The following NAA60 variants were observed in gnomAD, a reference collection of about 807,000 sequenced individuals.
NAA60 encodes the protein N-alpha-acetyltransferase 60.
In NAA60, 8 loss-of-function variants were observed where a neutral mutation model predicts 26.1. The observed-to-expected ratio is 0.31, with a 90% CI of 0.18 to 0.55. The LOEUF is 0.55. Ranked by LOEUF, NAA60 falls within the 20% of genes least tolerant of loss-of-function variation. The pLI is 0.93. For synonymous variants in NAA60, 131 were observed against 122.5 expected, an observed-to-expected ratio of 1.07 and a Z score of -0.46; for missense variants, 290 against 311.3, an observed-to-expected ratio of 0.93 and a Z score of 0.51.
Position 3,485,053 on chromosome 16 carries a change from C to T in NAA60, c.*198C>T, listed in dbSNP as rs554700345. On this transcript the variant is annotated 3_prime_UTR_variant, in exon 7 of 8. Coordinates refer to ENST00000407558, the MANE Select transcript of NAA60 (RefSeq NM_001083601.3). The stretch of plus-strand genomic sequence containing the variant: ...GTGGGCATGCGCAGAGCATGCCCAT[C>T]CGTGGCAGGTACGCCACAGCAGACA... 1.4e-6 allele frequency: 2 copies of T among 1,480,802 alleles called. No individual in the cohort carries two copies. Among genetic ancestry groups the T allele is most frequent in the Middle Eastern group, 1.7e-4 (1 of 5,838 alleles). The allele number at this position is 1,480,802 out of a possible 1,614,324, so 91.7% of individuals were successfully genotyped here.
At chr16:3,472,568 G>T (rs1188242415) in intron 2 of NAA60, among the ~76,000 whole-genome samples, 1 of 152,142 alleles carries the variant, frequency 6.6e-6, no homozygotes, top group African/African-American at 2.4e-5. Flanking sequence ...AAGTAACTGG[G>T]ATTACAGGTG....
Position 3,484,715 on chromosome 16 carries a change from C to G in NAA60, c.589C>G (p.Leu197Val), listed in dbSNP as rs781503423. 5 of 1,594,182 alleles carry G rather than the reference C, an allele frequency of 3.1e-6. No individual in the cohort carries two copies. Among genetic ancestry groups the G allele is most frequent in the Non-Finnish European group, 4.3e-6 (5 of 1,171,450 alleles). The change falls in exon 7 of 8, where the codon CTG becomes GTG. Residue 197 changes from leucine (L) to valine (V), a missense_variant. Physicochemically the swap from Leu to Val is conservative, Grantham distance 32. Coordinates refer to ENST00000407558, the MANE Select transcript of NAA60 (RefSeq NM_001083601.3). ...PWTILDYIQH[L>V]GSALASLSPC... Reference sequence around the variant, plus strand: ...GAGCCCCACGGACTACATCCAGCACCTGGGCTCTGCACTAGCCAGCCTGAG... The same window carrying G: ...GAGCCCCACGGACTACATCCAGCACGTGGGCTCTGCACTAGCCAGCCTGAG...
At chr16:3,448,358 C>T (rs1281177445) in intron 1 of NAA60, 113 bp from the exon 2 acceptor site, 1 of 717,232 alleles carries the variant, frequency 1.4e-6, no homozygotes, top group Non-Finnish European at 2.2e-6. Context: ...CAAAAGGGCC[C>T]ATCAGATTGA....
chr16:3,458,314 C>T, intron 2 of NAA60: 2 of 475,032 alleles, frequency 4.2e-6, no homozygotes, highest in Non-Finnish European at 5.5e-6. Flanking sequence ...GTGAGGCAGG[C>T]CCGGCCGCGC....
intron 2 of NAA60, chr16:3,448,859 G>T (rs1341145661): frequency 3.1e-5 from 8 of 254,990 alleles, no homozygotes; most frequent in African/African-American, 6.8e-5. Flanking sequence ...AGGGCACACT[G>T]ACAATGTTAG....
intron 4 of NAA60, among the ~76,000 whole-genome samples, chr16:3,481,703 C>A (rs2036848402): frequency 6.6e-6 from 1 of 152,172 alleles, no homozygotes; most frequent in South Asian, 2.1e-4. Context: ...TAAGAGATGT[C>A]AGCTGGGGAA....
chr16:3,484,451 C>T (rs757270), intron 6 of NAA60: 386,289 of 573,342 alleles, frequency 0.67, 133,452 homozygotes, highest in Non-Finnish European at 0.73. Flanking sequence ...GGTGTGGTGT[C>T]CACATGCCTG....
At chr16:3,456,190 G>A (rs752834074) in intron 2 of NAA60, among the ~76,000 whole-genome samples, 2 of 152,190 alleles carry the variant, frequency 1.3e-5, no homozygotes, top group African/African-American at 2.4e-5. Flanking sequence ...ACTGTACTGT[G>A]CTTGTTACTC....
At chr16:3,449,877 A>G (rs2150946090) in intron 2 of NAA60, 1 of 384,906 alleles carries the variant, frequency 2.6e-6, no homozygotes, top group Admixed American at 4.5e-5. Context: ...TTTGTCTGCC[A>G]CCATGTGAGA....
intron 2 of NAA60, among the ~76,000 whole-genome samples, chr16:3,470,498 C>T (rs2036060328): frequency 6.6e-6 from 1 of 152,222 alleles, no homozygotes; most frequent in Non-Finnish European, 1.5e-5. Flanking sequence ...CAGGACCTCT[C>T]CCTCCAACCA....
intron 3 of NAA60, among the ~76,000 whole-genome samples, chr16:3,478,641 A>C (rs1432566080): frequency 1.3e-5 from 2 of 152,048 alleles, no homozygotes; most frequent in African/African-American, 2.4e-5. Context: ...TCTTGGCCTC[A>C]TTGTTGATGA....
At chr16:3,476,859 T>A (rs1300884694) in intron 3 of NAA60, among the ~76,000 whole-genome samples, 1 of 152,096 alleles carries the variant, frequency 6.6e-6, no homozygotes, top group Admixed American at 6.5e-5. Flanking sequence ...CTGACCAACA[T>A]GGAGAAACCC....
chr16:3,484,588 C>T, intron 6 of NAA60, 111 bp from the exon 7 acceptor site: 1 of 1,410,502 alleles, frequency 7.1e-7, no homozygotes, highest in Non-Finnish European at 9.6e-7. Flanking sequence ...GCCTCCGAAG[C>T]CTGGCTTGCC....
chr16:3,476,042 G>T (rs1596342501), intron 2 of NAA60, 180 bp from the exon 3 acceptor site: 1 of 575,668 alleles, frequency 1.7e-6, no homozygotes, highest in East Asian at 3.0e-5. Context: ...TCCCAGCGAT[G>T]GGGGCGACTG....
At chr16:3,463,384 C>CAA (rs112948934) in intron 2 of NAA60, among the ~76,000 whole-genome samples, 10 of 139,240 alleles carry the variant, frequency 7.2e-5, no homozygotes, top group South Asian at 2.3e-4. Flanking sequence ...CCCGTCTCTA[C>CAA]AAAAAAAAAA....
chr16:3,482,246 G>T (rs2036883380), intron 4 of NAA60, among the ~76,000 whole-genome samples: 2 of 152,160 alleles, frequency 1.3e-5, no homozygotes, highest in African/African-American at 4.8e-5. Flanking sequence ...CCTTGGCTAG[G>T]CCTCCCACAC....
intron 2 of NAA60, 107 bp from the exon 3 acceptor site, chr16:3,476,115 C>A (rs1596342744): frequency 2.6e-6 from 2 of 777,202 alleles, no homozygotes; most frequent in Non-Finnish European, 4.1e-6. Flanking sequence ...TGAGGGGTGT[C>A]CACCCGTGGG....
chr16:3,447,538 C>G (rs991553472), intron 1 of NAA60: 1 of 985,354 alleles, frequency 1.0e-6, no homozygotes, highest in Non-Finnish European at 1.2e-6. Flanking sequence ...TGGTTCTTAC[C>G]GCCTTTACCG....
chr16:3,444,586 TAGG>T (rs1439371248), intron 1 of NAA60, among the ~76,000 whole-genome samples: 1 of 152,140 alleles, frequency 6.6e-6, no homozygotes, highest in Non-Finnish European at 1.5e-5. Context: ...AAAACAATAT[TAGG>T]AGATTTGACA....
Sources: allele counts gnomAD v4.1 joint callset (sites outside exome capture counted in the v4.1 genomes callset), GRCh38; gene constraint gnomAD v4.1.1; transcripts MANE v1.5; gene names NCBI Gene and HGNC (gene_info 2026-07-23, HGNC 2026-07-21).